Variants in GALNT17 observed in about 807,000 individuals in gnomAD.
GALNT17 encodes the protein UDP-GalNAc:polypeptide N-acetylgalactosaminyltransferase-like 3.
In GALNT17, 29 loss-of-function variants were observed where a neutral mutation model predicts 63.7. The ratio of observed to expected loss-of-function variants is 0.46; its 90% CI spans 0.34 to 0.62. The LOEUF (loss-of-function observed/expected upper bound fraction) is 0.62, where lower values mean the gene tolerates loss of function less well. Ranked by LOEUF, GALNT17 falls within the 20% of genes least tolerant of loss-of-function variation. GALNT17 has a pLI of 0.01. For missense variants in GALNT17, 603 were observed against 799.6 expected (o/e 0.75, Z 2.97); for synonymous variants, 305 against 318.3 (o/e 0.96, Z 0.45).
Position 71,329,238 on chromosome 7 carries a change from C to T in GALNT17, c.239-6312C>T, listed in dbSNP as rs115082004. On this transcript the variant is annotated intron_variant, in intron 1 of 10. Coordinates refer to ENST00000333538, the MANE Select transcript of GALNT17 (RefSeq NM_022479.3). ...TGCCTTGACCCTTGGGAGTGTGTGG[C>T]TTGTGAGGGGAAGTTAGCAAGTACT... Among the ~76,000 whole-genome samples, 256 of 152,078 alleles carry T rather than the reference C, an allele frequency of 1.7e-3. 1 individual carries two copies. Among genetic ancestry groups the T allele is most frequent in the African/African-American group, 6.0e-3 (250 of 41,472 alleles).
Position 71,416,611 on chromosome 7 carries a change from C to CA in GALNT17, c.764+558dup, listed in dbSNP as rs904629740. On this transcript the variant is annotated intron_variant, in intron 4 of 10. Transcript: ENST00000333538. Reference sequence around the variant, plus strand: ...TGGGTGACAGAGAGAGACTCCATCTCAAAAAAAAAAGAAAAAAAGAAAACG... The same window carrying CA: ...TGGGTGACAGAGAGAGACTCCATCTCAAAAAAAAAAAGAAAAAAAGAAAACG... Among the ~76,000 whole-genome samples, 47 of 140,136 alleles carry CA rather than the reference C, an allele frequency of 3.4e-4. 1 individual carries two copies. The highest frequency in any genetic ancestry group is 6.8e-4 in the African/African-American group (26 of 38,014). 91.9% of individuals were successfully genotyped at this position (140,136 alleles called of 152,430 possible).
At chr7:71,227,174 C>CAAAAAAAA (rs58450619) in intron 1 of GALNT17, among the ~76,000 whole-genome samples, 26 of 60,814 alleles carry the variant, frequency 4.3e-4, no homozygotes, top group Admixed American at 6.2e-4. Flanking sequence ...ACCGTCTCTA[C>CAAAAAAAA]AAAAAAAAAA....
chr7:71,299,154 C>T lies in GALNT17; in HGVS notation c.239-36396C>T, dbSNP rs145453336. Among the ~76,000 whole-genome samples the T allele has an allele frequency of 4.7e-3, 713 of 152,226 alleles. 7 individuals carry two copies. The highest frequency in any genetic ancestry group is 0.016 in the African/African-American group (651 of 41,546). The stretch of plus-strand genomic sequence containing the variant: ...ATTCTACAGGTGAGATCTGAGCCTG[C>T]GGGGAGGCAGCTGGAGAAGGGTATG... On this transcript the variant is annotated intron_variant, in intron 1 of 10. Coordinates refer to ENST00000333538, the MANE Select transcript of GALNT17 (RefSeq NM_022479.3).
chr7:71,419,733 G>A (rs2906270), intron 4 of GALNT17, among the ~76,000 whole-genome samples: 15,033 of 152,192 alleles, frequency 0.099, 1,370 homozygotes, highest in African/African-American at 0.24. Flanking sequence ...CTCTCTGCCA[G>A]TAGCAAAGGG....
At chr7:71,607,872 G>A (rs1469086463) in intron 6 of GALNT17, among the ~76,000 whole-genome samples, 3 of 152,042 alleles carry the variant, frequency 2.0e-5, no homozygotes, top group Non-Finnish European at 4.4e-5. Context: ...AACTTCCTTG[G>A]GATGCACACT....
intron 1 of GALNT17, among the ~76,000 whole-genome samples, chr7:71,301,366 CTAA>C (rs1791193626): frequency 6.9e-6 from 1 of 144,108 alleles, no homozygotes; most frequent in African/African-American, 2.5e-5. Context: ...TTAATATATA[CTAA>C]TAATTATATA....
intron 3 of GALNT17, 142 bp from the exon 4 acceptor site, chr7:71,415,747 T>G: frequency 1.1e-6 from 1 of 923,820 alleles, no homozygotes; most frequent in Non-Finnish European, 1.5e-6. Context: ...ACTGATGAGA[T>G]TTTCTTTTCT....
chr7:71,281,419 G>A (rs776279463), intron 1 of GALNT17, among the ~76,000 whole-genome samples: 1 of 152,280 alleles, frequency 6.6e-6, no homozygotes, highest in African/African-American at 2.4e-5. Context: ...CAGGAAAATA[G>A]CCCATTTCCT....
At position 71,665,401 on chromosome 7, in the gene GALNT17, G is replaced by T. The variant is rs202016093; in HGVS notation, c.1081-10G>T. ...TCTTTTTCAGGCTGATGAAATCTTT[G>T]TACCCCTAGGTATGGCTCTGTGGGG... On this transcript the variant is annotated splice_polypyrimidine_tract_variant and intron_variant, in intron 6 of 10. Transcript: ENST00000333538. 1.9e-6 allele frequency: 3 copies of T among 1,590,628 alleles called. No homozygotes were observed. The highest frequency in any genetic ancestry group is 2.3e-5 in the South Asian group (2 of 87,756).
chr7:71,619,322 C>T lies in GALNT17; in HGVS notation c.1081-46089C>T, dbSNP rs573138246. 7.2e-5 allele frequency among the ~76,000 whole-genome samples: 11 copies of T among 152,146 alleles called. No homozygotes were observed. The East Asian group carries it at 7.7e-4, about 11-fold the overall frequency. ...ATTTTAGAATAGTTTATTCTGATTC[C>T]GTGAAGAATGACATTGGTTGTTTAA... On this transcript the variant is annotated intron_variant, in intron 6 of 10. Transcript: ENST00000333538.
intron 6 of GALNT17, among the ~76,000 whole-genome samples, chr7:71,625,913 G>A (rs1015948560): frequency 6.6e-6 from 1 of 152,062 alleles, no homozygotes; most frequent in Non-Finnish European, 1.5e-5. Flanking sequence ...AGGTCATTGG[G>A]GTGGACTCTG....
chr7:71,545,867 T>C (rs1788975066), intron 5 of GALNT17, among the ~76,000 whole-genome samples: 1 of 152,190 alleles, frequency 6.6e-6, no homozygotes, highest in African/African-American at 2.4e-5. Context: ...CGGTAAGTTT[T>C]CTCATTTGCT....
At chr7:71,225,884 C>T (rs1287140254) in intron 1 of GALNT17, among the ~76,000 whole-genome samples, 1 of 152,008 alleles carries the variant, frequency 6.6e-6, no homozygotes, top group Non-Finnish European at 1.5e-5. Context: ...TGAAATTATG[C>T]TTATGGTACA....
chr7:71,406,968 A>T (rs1793339221), intron 3 of GALNT17, among the ~76,000 whole-genome samples: 1 of 152,224 alleles, frequency 6.6e-6, no homozygotes, highest in Non-Finnish European at 1.5e-5. Flanking sequence ...AAAAGAGATG[A>T]TGCAGAAATG....
chr7:71,687,637 A>G (rs6944414), intron 9 of GALNT17, among the ~76,000 whole-genome samples: 94,673 of 151,972 alleles, frequency 0.62, 29,902 homozygotes, highest in Middle Eastern at 0.69. Flanking sequence ...CGAAAACCCA[A>G]TTCCTAGAAA....
chr7:71,484,249 A>G (rs903025132), intron 5 of GALNT17, among the ~76,000 whole-genome samples: 3 of 152,206 alleles, frequency 2.0e-5, no homozygotes, highest in Non-Finnish European at 2.9e-5. Flanking sequence ...ACACTTTGGG[A>G]GACTGAGGCG....
chr7:71,607,391 TA>T (rs1437581834), intron 6 of GALNT17, among the ~76,000 whole-genome samples: 1 of 152,136 alleles, frequency 6.6e-6, no homozygotes, highest in South Asian at 2.1e-4. Context: ...CACAAAACAA[TA>T]AAGTCGTAAG....
At chr7:71,481,370 G>T (rs1389747249) in intron 5 of GALNT17, among the ~76,000 whole-genome samples, 2 of 152,154 alleles carry the variant, frequency 1.3e-5, no homozygotes, top group African/African-American at 4.8e-5. Context: ...AGAATCGCTT[G>T]AACCCGGGAG....
Position 71,612,024 on chromosome 7 carries a change from C to T in GALNT17, c.1080+40622C>T, listed in dbSNP as rs1435795919. Among the ~76,000 whole-genome samples the T allele has an allele frequency of 4.6e-5, 7 of 152,148 alleles. No homozygotes were observed. In the South Asian group the frequency reaches 6.2e-4, roughly 14 times the overall value. On this transcript the variant is annotated intron_variant, in intron 6 of 10. Transcript: ENST00000333538. ...GGTGCCATCTCTTGGTTGAAGCAATCGGCATCATTCAGGCCAAAATAGATG... is the reference window on the plus strand; with the variant it reads ...GGTGCCATCTCTTGGTTGAAGCAATTGGCATCATTCAGGCCAAAATAGATG...
Sources: allele counts gnomAD v4.1 joint callset (sites outside exome capture counted in the v4.1 genomes callset), GRCh38; gene constraint gnomAD v4.1.1; transcripts MANE v1.5; gene names NCBI Gene and HGNC (gene_info 2026-07-23, HGNC 2026-07-21).